RYR2: variants seen among roughly 807,000 people sequenced by gnomAD.
The protein encoded by RYR2 is ryanodine receptor 2.
Under a neutral mutation model 601.1 loss-of-function variants are expected in RYR2, and 227 were observed. That is an observed-to-expected ratio of 0.38 (90% CI 0.34 to 0.42). RYR2 has a LOEUF of 0.42. Ranked by LOEUF, RYR2 falls within the 10% of genes least tolerant of loss-of-function variation. The probability of loss-of-function intolerance (pLI) is 1.00; values close to 1 mark genes in which losing one functional copy is unlikely to be tolerated. For missense variants in RYR2, 4,646 were observed against 6,156.5 expected, an observed-to-expected ratio of 0.75 and a Z score of 8.21; for synonymous variants, 2,223 against 2,175.1, an observed-to-expected ratio of 1.02 and a Z score of -0.61.
At chr1:237,795,873 T>TATATAC (rs140571706) in intron 96 of RYR2, among the ~76,000 whole-genome samples, 6 of 140,910 alleles carry the variant, frequency 4.3e-5, no homozygotes, top group Admixed American at 1.4e-4. Flanking sequence ...TATATATATA[T>TATATAC]ACACATATAT....
At chr1:237,324,005 C>G (rs1428765312) in intron 2 of RYR2, among the ~76,000 whole-genome samples, 1 of 152,070 alleles carries the variant, frequency 6.6e-6, no homozygotes. Flanking sequence ...AAGAACATGA[C>G]AAGAAAAACT....
chr1:237,307,429 A>G (rs779654829), intron 2 of RYR2, among the ~76,000 whole-genome samples: 3 of 152,242 alleles, frequency 2.0e-5, no homozygotes, highest in African/African-American at 7.2e-5. Flanking sequence ...ATGCTAGTCT[A>G]GATTTTTATA....
At chr1:237,821,640 G>T (rs781436933) in intron 101 of RYR2, among the ~76,000 whole-genome samples, 2 of 151,902 alleles carry the variant, frequency 1.3e-5, no homozygotes, top group African/African-American at 2.4e-5. Context: ...ACAACTCCTC[G>T]CCAGCAAGGG....
Position 237,639,058 on chromosome 1 carries a change from C to T in RYR2, c.6972C>T (p.Leu2324=), listed in dbSNP as rs770197614. 5.0e-6 allele frequency: 8 copies of T among 1,613,874 alleles called. No homozygotes were observed. Among genetic ancestry groups the T allele is most frequent in the Non-Finnish European group, 6.8e-6 (8 of 1,179,860 alleles). Residue 2324 remains leucine, a synonymous_variant, in exon 46 of 105, where the codon CTC becomes CTT. Transcript: ENST00000366574. Reference sequence around the variant, plus strand: ...ATGCAAATGTCGTGGTGAGATTGCTCATTCGGAGGCCTGAGTGTTTTGGTC... The same window carrying T: ...ATGCAAATGTCGTGGTGAGATTGCTTATTCGGAGGCCTGAGTGTTTTGGTC... ...EENANVVVRL[L]IRRPECFGPA...
At chr1:237,044,153 G>GT (rs1455325352) in intron 1 of RYR2, among the ~76,000 whole-genome samples, 1 of 150,038 alleles carries the variant, frequency 6.7e-6, no homozygotes, top group African/African-American at 2.5e-5. Context: ...TAGTAATACA[G>GT]TTGTCTTTTT....
At chr1:237,315,371 G>A (rs1695010912) in intron 2 of RYR2, among the ~76,000 whole-genome samples, 1 of 151,792 alleles carries the variant, frequency 6.6e-6, no homozygotes, top group African/African-American at 2.4e-5. Flanking sequence ...CCATCATCAA[G>A]TTTTTACATT....
chr1:237,169,016 C>G (rs1555834), intron 1 of RYR2, among the ~76,000 whole-genome samples: 60,306 of 152,064 alleles, frequency 0.4, 14,482 homozygotes, highest in Non-Finnish European at 0.53. Context: ...ATGACAATTG[C>G]TTTCATCTTT....
intron 1 of RYR2, among the ~76,000 whole-genome samples, chr1:237,103,084 G>T (rs1011529104): frequency 3.3e-5 from 5 of 152,120 alleles, no homozygotes; most frequent in African/African-American, 1.2e-4. Flanking sequence ...GAAAAGCTGG[G>T]AGCTCAATCT....
intron 92 of RYR2, 64 bp from the exon 93 acceptor site, chr1:237,791,365 A>C: frequency 2.4e-6 from 2 of 820,908 alleles, no homozygotes; most frequent in Non-Finnish European, 4.2e-6. Context: ...TGCTTTATTT[A>C]AATTGACTGC....
intron 63 of RYR2, among the ~76,000 whole-genome samples, chr1:237,696,344 C>G (rs1687433130): frequency 6.6e-6 from 1 of 152,116 alleles, no homozygotes; most frequent in African/African-American, 2.4e-5. Context: ...CCTCATGGGC[C>G]TTCTCTTTCC....
intron 3 of RYR2, among the ~76,000 whole-genome samples, chr1:237,353,580 GAT>G (rs983931281): frequency 2.0e-5 from 3 of 150,588 alleles, no homozygotes; most frequent in East Asian, 1.9e-4. Flanking sequence ...TTCATATAGT[GAT>G]ATAATTTAAA....
chr1:237,081,836 C>CT (rs1381019969), intron 1 of RYR2, among the ~76,000 whole-genome samples: 1 of 152,158 alleles, frequency 6.6e-6, no homozygotes, highest in African/African-American at 2.4e-5. Context: ...CATGGCCTTC[C>CT]TGTCCTAGCT....
chr1:237,705,977 G>T (rs1370191795), intron 67 of RYR2, among the ~76,000 whole-genome samples: 1 of 152,110 alleles, frequency 6.6e-6, no homozygotes, highest in Non-Finnish European at 1.5e-5. Flanking sequence ...AGGGCTGGGC[G>T]CAGTGGCTCA....
At chr1:237,351,437 A>G (rs1202766815) in intron 3 of RYR2, among the ~76,000 whole-genome samples, 1 of 152,018 alleles carries the variant, frequency 6.6e-6, no homozygotes, top group African/African-American at 2.4e-5. Flanking sequence ...CTAATTGATG[A>G]GCCCTTGGAA....
chr1:237,742,686 A>G (rs948885040), intron 80 of RYR2, among the ~76,000 whole-genome samples: 2 of 152,218 alleles, frequency 1.3e-5, no homozygotes, highest in African/African-American at 4.8e-5. Context: ...GAAGAACAAC[A>G]TGATGTCAAG....
chr1:237,556,445 C>T (rs1306875072), intron 27 of RYR2, among the ~76,000 whole-genome samples: 6 of 149,428 alleles, frequency 4.0e-5, no homozygotes, highest in African/African-American at 9.8e-5. Flanking sequence ...GGACTACATG[C>T]GCCTGCCACG....
chr1:237,524,182 A>G (rs748823535), intron 24 of RYR2, among the ~76,000 whole-genome samples: 1 of 152,240 alleles, frequency 6.6e-6, no homozygotes, highest in Non-Finnish European at 1.5e-5. Context: ...TAAGGAATAG[A>G]TAAAATGTGA....
rs184695987 is a variant in RYR2 at position 237,728,576 on chromosome 1, A to G, written c.10838+1377A>G. ...AGACTGGATAAAGAAAAAGTGGCAC[A>G]TATACACCATGGAATACTATGCAGC... is the stretch of plus-strand genomic sequence containing the variant. On this transcript the variant is annotated intron_variant, in intron 76 of 104. Coordinates refer to ENST00000366574, the MANE Select transcript of RYR2 (RefSeq NM_001035.3). Among the ~76,000 whole-genome samples, 66 of 152,290 alleles carry G rather than the reference A, an allele frequency of 4.3e-4. 1 individual carries two copies. The highest frequency in any genetic ancestry group is 4.0e-3 in the Admixed American group (61 of 15,294).
At chr1:237,696,504 ATAGCTCT>A (rs1222481211) in intron 63 of RYR2, among the ~76,000 whole-genome samples, 1 of 149,684 alleles carries the variant, frequency 6.7e-6, no homozygotes, top group Non-Finnish European at 1.5e-5. Flanking sequence ...GCCCAAGTGT[ATAGCTCT>A]GGCTTAGATC....
Sources: gnomAD v4.1 joint callset for allele counts (sites outside exome capture counted in the v4.1 genomes callset) on GRCh38, gnomAD v4.1.1 for gene constraint, MANE v1.5 for transcripts, NCBI Gene and HGNC (gene_info 2026-07-23, HGNC 2026-07-21) for gene names.